Variants in PTP4A3 observed in about 807,000 individuals in gnomAD.
The protein encoded by PTP4A3 is protein tyrosine phosphatase 4A3.
In PTP4A3, 9 loss-of-function variants were observed where a neutral mutation model predicts 15.2. The observed-to-expected ratio is 0.59, with a 90% CI of 0.36 to 1.03. The LOEUF (loss-of-function observed/expected upper bound fraction) is 1.03. Ranked by LOEUF, PTP4A3 falls within the 50% of genes least tolerant of loss-of-function variation. The pLI is 0.02. For synonymous variants in PTP4A3, 95 were observed against 102.0 expected (o/e 0.93, Z 0.41); for missense variants, 234 against 252.1 (o/e 0.93, Z 0.49).
intron 2 of PTP4A3, 53 bp downstream of exon 2, chr8:141,422,398 C>G: frequency 6.3e-7 from 1 of 1,599,640 alleles, no homozygotes; most frequent in Non-Finnish European, 8.6e-7. Flanking sequence ...CTGGGAAGCC[C>G]GGCTGAGCTG....
At chr8:141,393,531 A>ATGGC (rs1346383648) in intron 1 of PTP4A3, among the ~76,000 whole-genome samples, 3 of 152,198 alleles carry the variant, frequency 2.0e-5, no homozygotes, top group Non-Finnish European at 4.4e-5. Context: ...GAGATGGGGC[A>ATGGC]TGGCTGGCTG....
chr8:141,404,675 G>A (rs1832681866), intron 1 of PTP4A3, among the ~76,000 whole-genome samples: 1 of 152,182 alleles, frequency 6.6e-6, no homozygotes, highest in Non-Finnish European at 1.5e-5. Context: ...GTCAGCAGAG[G>A]CTTGGGGGCA....
intron 1 of PTP4A3, among the ~76,000 whole-genome samples, chr8:141,416,133 G>A (rs1833044449): frequency 1.3e-5 from 2 of 152,184 alleles, no homozygotes; most frequent in Non-Finnish European, 1.5e-5. Context: ...AGCGCCAGAG[G>A]CGACGGGCTC....
intron 1 of PTP4A3, among the ~76,000 whole-genome samples, chr8:141,420,515 T>A (rs1399153108): frequency 6.6e-6 from 1 of 152,106 alleles, no homozygotes; most frequent in Non-Finnish European, 1.5e-5. Context: ...GGAGGTGCCT[T>A]GGGTTGCTGT....
At chr8:141,415,633 G>GGGGGC (rs1340367663) in intron 1 of PTP4A3, among the ~76,000 whole-genome samples, 1 of 92,500 alleles carries the variant, frequency 1.1e-5, no homozygotes, top group Non-Finnish European at 2.3e-5. Context: ...GCGGGGGGCA[G>GGGGGC]GGGGCGGGGC....
chr8:141,409,960 C>T (rs745935242), intron 1 of PTP4A3, among the ~76,000 whole-genome samples: 11 of 152,248 alleles, frequency 7.2e-5, no homozygotes, highest in Non-Finnish European at 1.5e-4. Flanking sequence ...GCAGCCAATG[C>T]CTGCAGCCGG....
rs112862112 is a variant in PTP4A3, at chr8:141,427,079, G to A, written c.329+10G>A. 12 of 1,596,220 alleles carry A rather than the reference G, an allele frequency of 7.5e-6. No homozygotes were observed. Among genetic ancestry groups the A allele is most frequent in the Admixed American group, 5.0e-5 (3 of 59,670 alleles). The stretch of plus-strand genomic sequence containing the variant: ...TGGCGGGCCTGGGCCGGTGAGTGTC[G>A]GGGCGGGGTAGGGCTCGCCATGTCA... On this transcript the variant is annotated intron_variant, in intron 4 of 5. Coordinates refer to ENST00000521578, the MANE Select transcript of PTP4A3 (RefSeq NM_032611.3).
At chr8:141,403,966 G>A (rs1398466790) in intron 1 of PTP4A3, among the ~76,000 whole-genome samples, 2 of 152,256 alleles carry the variant, frequency 1.3e-5, no homozygotes, top group Non-Finnish European at 2.9e-5. Flanking sequence ...ATGAGTGGCT[G>A]AGCCTGTCTC....
intron 1 of PTP4A3, among the ~76,000 whole-genome samples, chr8:141,420,650 G>A (rs1268420749): frequency 1.3e-5 from 2 of 152,202 alleles, no homozygotes; most frequent in Non-Finnish European, 2.9e-5. Flanking sequence ...TTCTGTCCCC[G>A]CCTCCCTGAG....
intron 1 of PTP4A3, among the ~76,000 whole-genome samples, chr8:141,416,567 A>G (rs1217047637): frequency 6.6e-6 from 1 of 152,154 alleles, no homozygotes; most frequent in East Asian, 1.9e-4. Flanking sequence ...GGCAGGAGTC[A>G]GAGCCTAGCG....
intron 1 of PTP4A3, among the ~76,000 whole-genome samples, chr8:141,401,606 G>A (rs1832591217): frequency 6.6e-6 from 1 of 152,148 alleles, no homozygotes; most frequent in South Asian, 2.1e-4. Flanking sequence ...CCAGCCACAG[G>A]AAGCCATCTG....
intron 1 of PTP4A3, among the ~76,000 whole-genome samples, chr8:141,393,193 G>A (rs1832340981): frequency 6.6e-6 from 1 of 152,208 alleles, no homozygotes; most frequent in South Asian, 2.1e-4. Flanking sequence ...CCATTTCTCA[G>A]ATGAGGAGAC....
chr8:141,425,199 G>GGGGGGGGGGGGGGGGGGGGCC lies in PTP4A3; in HGVS notation c.198+62_198+63insGGGGGGGGGGGGGGGGCCGGG. On this transcript the variant is annotated intron_variant, in intron 3 of 5. Transcript: ENST00000521578. This position sits in a 1 kb window ranked among gnomAD's most constrained non-coding sequence, Gnocchi z 4.2. ...CTGCCACCGGGGGAGGGTGGGGCGG[G>GGGGGGGGGGGGGGGGGGGGCC]GGGCTCCGGGCCTGCGCAGAGGGTT... 1 of 844,218 alleles carries GGGGGGGGGGGGGGGGGGGGCC rather than the reference G, an allele frequency of 1.2e-6. No homozygotes were observed. The highest frequency in any genetic ancestry group is 2.0e-6 in the Non-Finnish European group (1 of 504,296). The allele number at this position is 844,218 out of a possible 1,614,324, so 52.3% of individuals were successfully genotyped here.
At chr8:141,422,785 T>C (rs1833397163) in intron 2 of PTP4A3, among the ~76,000 whole-genome samples, 1 of 152,130 alleles carries the variant, frequency 6.6e-6, no homozygotes, top group Non-Finnish European at 1.5e-5. Context: ...AGGGCCCAGA[T>C]CTCTGTGTGA....
intron 1 of PTP4A3, among the ~76,000 whole-genome samples, chr8:141,411,238 CA>C (rs1454146540): frequency 2.0e-5 from 3 of 152,218 alleles, no homozygotes; most frequent in Non-Finnish European, 4.4e-5. Context: ...GTGCCCAGCA[CA>C]AGGCTTGGCA....
At chr8:141,428,523 G>A (rs913495258) in intron 5 of PTP4A3, among the ~76,000 whole-genome samples, 1 of 152,192 alleles carries the variant, frequency 6.6e-6, no homozygotes, top group African/African-American at 2.4e-5. Flanking sequence ...GGTACTCCTC[G>A]GACAGGCTTG....
At chr8:141,413,594 G>A (rs1483594956) in intron 1 of PTP4A3, among the ~76,000 whole-genome samples, 2 of 152,242 alleles carry the variant, frequency 1.3e-5, no homozygotes, top group Non-Finnish European at 2.9e-5. Flanking sequence ...CTGGGGGCAG[G>A]GAGGGTTAGG....
chr8:141,416,251 C>T (rs568660942), intron 1 of PTP4A3, among the ~76,000 whole-genome samples: 4 of 151,584 alleles, frequency 2.6e-5, no homozygotes, highest in Admixed American at 6.6e-5. Flanking sequence ...CCCAGAGGTC[C>T]TCTCTCCCAG....
intron 2 of PTP4A3, 129 bp from the exon 3 acceptor site, chr8:141,424,919 G>A: frequency 1.3e-6 from 1 of 757,370 alleles, no homozygotes; most frequent in South Asian, 1.7e-5. Context: ...GAGGTCTGAG[G>A]GGACATGTCC....
Sources: gnomAD v4.1 joint callset for allele counts (sites outside exome capture counted in the v4.1 genomes callset) on GRCh38, gnomAD v4.1.1 for gene constraint, Gnocchi (gnomAD v3.1) non-coding constraint, MANE v1.5 for transcripts, NCBI Gene and HGNC (gene_info 2026-07-23, HGNC 2026-07-21) for gene names.